OTULIN: variants seen among roughly 807,000 people sequenced by gnomAD.
OTULIN encodes the protein ubiquitin thioesterase otulin.
A neutral mutation model predicts 39.6 loss-of-function variants in OTULIN; 15 were observed. That is an observed-to-expected ratio of 0.38 (90% CI 0.25 to 0.58). OTULIN has a LOEUF of 0.58. Among genes scored for constraint, OTULIN ranks in the 20% least tolerant of loss-of-function variants. The probability of loss-of-function intolerance (pLI) is 0.66; values close to 1 mark genes in which losing one functional copy is unlikely to be tolerated. For missense variants in OTULIN, 319 were observed against 445.9 expected, an observed-to-expected ratio of 0.72 and a Z score of 2.56; for synonymous variants, 156 against 170.3, an observed-to-expected ratio of 0.92 and a Z score of 0.65.
chr5:14,667,722 C>T (rs944629646), intron 1 of OTULIN, among the ~76,000 whole-genome samples: 4 of 152,118 alleles, frequency 2.6e-5, no homozygotes, highest in African/African-American at 9.7e-5. Flanking sequence ...CCCTCCCTCT[C>T]TTCCTTCCTT....
downstream of OTULIN, among the ~76,000 whole-genome samples, chr5:14,700,605 CATCTGCACCTCCCCCTTT>C (rs1202966923): frequency 1.3e-5 from 2 of 149,374 alleles, no homozygotes. Context: ...TCACCCTCCG[CATCTGCACCTCCCCCTTT>C]GCCCACCCTC....
downstream of OTULIN, among the ~76,000 whole-genome samples, chr5:14,704,329 C>A (rs1359435962): frequency 1.1e-3 from 74 of 65,514 alleles, no homozygotes; most frequent in East Asian, 5.7e-3. Context: ...GACTCCGTCT[C>A]AAAAAAAAAA....
intron 2 of OTULIN, among the ~76,000 whole-genome samples, chr5:14,676,693 TC>T: frequency 6.6e-6 from 1 of 152,298 alleles, no homozygotes; most frequent in East Asian, 1.9e-4. Context: ...TAGATTTCCT[TC>T]CCAGGAGTCC....
chr5:14,681,570 G>C lies in OTULIN; in HGVS notation c.431G>C (p.Gly144Ala). 1.9e-6 allele frequency: 3 copies of C among 1,614,046 alleles called. No individual in the cohort carries two copies. The highest frequency in any genetic ancestry group is 1.1e-5 in the South Asian group (1 of 91,066). ...TLFQAMSQAV[G>A]LPPWLQDPEL... The stretch of plus-strand genomic sequence containing the variant: ...TTCCAGGCCATGAGCCAGGCTGTGG[G>C]GCTGCCGCCCTGGCTGCAGGACCCG... The change falls in exon 4 of 7, where the codon GGG becomes GCG. Residue 144 changes from glycine (G) to alanine (A), a missense_variant. By Grantham distance (60) the Gly-to-Ala change is moderately conservative (BLOSUM62 0). Transcript: ENST00000284274.
At chr5:14,687,860 A>G (rs1247012644) in intron 5 of OTULIN, 4 of 374,820 alleles carry the variant, frequency 1.1e-5, no homozygotes, top group Non-Finnish European at 1.9e-5. Context: ...GATGCCATGT[A>G]CTAGGGTATC....
At chr5:14,712,662 G>A in the OTULIN span, among the ~76,000 whole-genome samples, 1 of 152,164 alleles carries the variant, frequency 6.6e-6, no homozygotes, top group Non-Finnish European at 1.5e-5. Context: ...CTCTTCAAAG[G>A]GACTGTCTGT....
At chr5:14,711,013 C>T in the OTULIN span, 28 of 641,934 alleles carry the variant, frequency 4.4e-5, no homozygotes, top group East Asian at 1.7e-4. Context: ...TTCACTAGGT[C>T]CCCCCGTCAG....
At chr5:14,683,129 C>G (rs922863281) in intron 4 of OTULIN, among the ~76,000 whole-genome samples, 3 of 152,120 alleles carry the variant, frequency 2.0e-5, no homozygotes, top group Non-Finnish European at 4.4e-5. Context: ...GTCAAAATGA[C>G]ATCTGGAGCC....
chr5:14,678,923 A>G (rs1296364353), intron 3 of OTULIN, 148 bp downstream of exon 3: 4 of 505,888 alleles, frequency 7.9e-6, no homozygotes, highest in Non-Finnish European at 1.4e-5. Flanking sequence ...AAGGAAATAG[A>G]CTCCAAAGAT....
rs1224089188 is a variant in OTULIN, at chr5:14,694,613, A to G, written c.*1565A>G. The G allele has an allele frequency of 6.6e-6, 1 of 152,570 alleles. No homozygotes were observed. The highest frequency in any genetic ancestry group is 2.4e-5 in the African/African-American group (1 of 41,444). The allele number at this position is 152,570 out of a possible 1,614,324, so 9.5% of individuals were successfully genotyped here. On this transcript the variant is annotated 3_prime_UTR_variant, in exon 7 of 7. Coordinates refer to ENST00000284274, the MANE Select transcript of OTULIN (RefSeq NM_138348.6). ...TAAAAATAAAGTCTTAGTTAAGAAA[A>G]CTCAGGATGCACAAAACTATTCAGA...
At chr5:14,680,278 C>T (rs1398498646) in intron 3 of OTULIN, among the ~76,000 whole-genome samples, 3 of 152,120 alleles carry the variant, frequency 2.0e-5, no homozygotes, top group African/African-American at 7.2e-5. Flanking sequence ...AAAATGCAAC[C>T]CTCAAAATGT....
rs187205443 is a variant in OTULIN, at chr5:14,666,581, T to C, written c.152+1604T>C. On this transcript the variant is annotated intron_variant, in intron 1 of 6. Transcript: ENST00000284274. ...TATAGTGACAGCCAACTTCACTTTTTTTCCCCCCTTGGTTTGCTTCCCAAG... is the reference window on the plus strand; with the variant it reads ...TATAGTGACAGCCAACTTCACTTTTCTTCCCCCCTTGGTTTGCTTCCCAAG... Among the ~76,000 whole-genome samples the C allele has an allele frequency of 1.6e-4, 24 of 152,332 alleles. 1 individual carries two copies. The East Asian group carries it at 4.2e-3, about 27-fold the overall frequency.
chr5:14,685,266 C>T (rs1047055800), intron 4 of OTULIN, among the ~76,000 whole-genome samples: 16 of 152,098 alleles, frequency 1.1e-4, no homozygotes, highest in Admixed American at 9.8e-4. Flanking sequence ...CAAGAATTAC[C>T]GGCATATGCT....
downstream of OTULIN, among the ~76,000 whole-genome samples, chr5:14,702,548 G>A (rs577460358): frequency 6.6e-6 from 1 of 152,278 alleles, no homozygotes; most frequent in Admixed American, 6.5e-5. Context: ...TTGGCACTGG[G>A]GGAAAGAAGA....
chr5:14,693,914 G>A lies in OTULIN; in HGVS notation c.*866G>A, dbSNP rs1466644806. 1 of 152,206 alleles carries A rather than the reference G, an allele frequency of 6.6e-6. No individual in the cohort carries two copies. The highest frequency in any genetic ancestry group is 1.5e-5 in the Non-Finnish European group (1 of 68,050). The allele number at this position is 152,206 out of a possible 1,614,324, so 9.4% of individuals were successfully genotyped here. Reference sequence around the variant, plus strand: ...ACACTACTTGCCTTTGTGGTTTAGTGTTGGAAGCTTTAATTATTCTACAGT... The same window carrying A: ...ACACTACTTGCCTTTGTGGTTTAGTATTGGAAGCTTTAATTATTCTACAGT... On this transcript the variant is annotated 3_prime_UTR_variant, in exon 7 of 7. Transcript: ENST00000284274.
chr5:14,678,049 T>G (rs866956696), intron 2 of OTULIN, among the ~76,000 whole-genome samples: 3 of 152,086 alleles, frequency 2.0e-5, no homozygotes, highest in Non-Finnish European at 2.9e-5. Flanking sequence ...TGGGTGTGTG[T>G]GGGGGGTGGT....
At chr5:14,710,275 G>GT in the OTULIN span, 1 of 152,208 alleles carries the variant, frequency 6.6e-6, no homozygotes, top group African/African-American at 2.4e-5. Context: ...TCAGTTCACT[G>GT]TAAAAACTAA....
At chr5:14,671,717 C>G (rs1041683051) in intron 1 of OTULIN, among the ~76,000 whole-genome samples, 3 of 152,090 alleles carry the variant, frequency 2.0e-5, no homozygotes, top group African/African-American at 7.2e-5. Flanking sequence ...GATACTTGTT[C>G]CCTTACCCTC....
chr5:14,707,063 G>A, the OTULIN span: 43 of 152,146 alleles, frequency 2.8e-4, no homozygotes, highest in African/African-American at 1.0e-3. Flanking sequence ...CCTTTTTCTG[G>A]ACTGTGCACT....
Sources: allele counts gnomAD v4.1 joint callset (sites outside exome capture counted in the v4.1 genomes callset), GRCh38; gene constraint gnomAD v4.1.1; transcripts MANE v1.5; gene names NCBI Gene and HGNC (gene_info 2026-07-23, HGNC 2026-07-21).